The following RBFOX1 variants were observed in gnomAD, a reference collection of about 807,000 sequenced individuals.
RBFOX1 encodes RNA binding fox-1 homolog 1.
A neutral mutation model predicts 57.7 loss-of-function variants in RBFOX1; 8 were observed. The observed-to-expected ratio is 0.14, with a 90% confidence interval of 0.08 to 0.25. RBFOX1 has a LOEUF of 0.25. Among genes scored for constraint, RBFOX1 ranks in the 10% least tolerant of loss-of-function variants. The probability of loss-of-function intolerance (pLI) is 1.00; values close to 1 mark genes in which losing one functional copy is unlikely to be tolerated. For missense variants in RBFOX1, 611 were observed against 548.5 expected (o/e 1.11, Z -1.14); for synonymous variants, 326 against 222.4 (o/e 1.47, Z -4.15).
chr16:6,798,051 C>G (rs1310924791), intron 3 of RBFOX1, among the ~76,000 whole-genome samples: 1 of 151,990 alleles, frequency 6.6e-6, no homozygotes, highest in Non-Finnish European at 1.5e-5. Context: ...AGTGATAAAA[C>G]CCAACACATA....
intron 11 of RBFOX1, among the ~76,000 whole-genome samples, chr16:7,641,154 A>G (rs1158340650): frequency 6.6e-6 from 1 of 152,160 alleles, no homozygotes; most frequent in Non-Finnish European, 1.5e-5. Flanking sequence ...CAAGAGCTGG[A>G]GCAATCATTC....
intron 4 of RBFOX1, among the ~76,000 whole-genome samples, chr16:7,064,319 C>T (rs538628284): frequency 8.0e-4 from 122 of 152,094 alleles, no homozygotes; most frequent in African/African-American, 2.9e-3. Context: ...CAGGCACCCG[C>T]CACCATACCC....
chr16:5,272,233 A>G (rs1329875201), intron 1 of RBFOX1, among the ~76,000 whole-genome samples: 1 of 152,238 alleles, frequency 6.6e-6, no homozygotes, highest in Admixed American at 6.5e-5. Context: ...GTCTCATCCT[A>G]AAAATTTTCA....
rs116045586 is a variant in RBFOX1, at chr16:6,605,716, C to T, written c.-63-48887C>T. ...GGGCAGGGCCTAGATGCTGTGTCAG[C>T]GAACAGGAGAGATTCAGTCCGTGTG... On this transcript the variant is annotated intron_variant, in intron 2 of 15. Transcript: ENST00000550418. Among the ~76,000 whole-genome samples, 399 of 152,290 alleles carry T rather than the reference C, an allele frequency of 2.6e-3. 2 individuals carry two copies. The highest frequency in any genetic ancestry group is 9.1e-3 in the African/African-American group (377 of 41,558).
chr16:6,078,696 C>G (rs981541233), intron 1 of RBFOX1, among the ~76,000 whole-genome samples: 1 of 152,178 alleles, frequency 6.6e-6, no homozygotes, highest in Admixed American at 6.5e-5. Flanking sequence ...GCAGCAACAC[C>G]CTGCACGTAG....
At chr16:5,899,509 A>C (rs1035765795) in intron 4 of RBFOX1, among the ~76,000 whole-genome samples, 2 of 152,202 alleles carry the variant, frequency 1.3e-5, no homozygotes, top group Non-Finnish European at 2.9e-5. Flanking sequence ...TTGACTAGCT[A>C]GGAAGAGTGG....
At chr16:5,611,118 T>A (rs1367391940) in intron 3 of RBFOX1, 1 of 152,210 alleles carries the variant, frequency 6.6e-6, no homozygotes, top group African/African-American at 2.4e-5. Context: ...CTGACCCACA[T>A]GTGCTCTGTT....
chr16:7,236,472 T>C lies in RBFOX1; in HGVS notation c.27+184374T>C, dbSNP rs1053549497. 5.3e-5 allele frequency among the ~76,000 whole-genome samples: 8 copies of C among 152,140 alleles called. No individual in the cohort carries two copies. The South Asian group carries it at 1.2e-3, about 24-fold the overall frequency. On this transcript the variant is annotated intron_variant, in intron 4 of 15. Transcript: ENST00000550418. ...GTCATGCAATCTGGCAGAATCTCTT[T>C]CTGCTCCATGGTTCCTAAATGCATC...
chr16:5,465,077 G>A (rs2068911229), intron 1 of RBFOX1, among the ~76,000 whole-genome samples: 1 of 152,202 alleles, frequency 6.6e-6, no homozygotes, highest in African/African-American at 2.4e-5. Context: ...GGGTGTGTGT[G>A]TGTTTGCTCA....
chr16:5,660,606 C>A (rs2049614022), intron 3 of RBFOX1, among the ~76,000 whole-genome samples: 1 of 152,106 alleles, frequency 6.6e-6, no homozygotes, highest in Non-Finnish European at 1.5e-5. Flanking sequence ...GCCGTTTGCT[C>A]TGTTTAGATA....
intron 4 of RBFOX1, among the ~76,000 whole-genome samples, chr16:6,003,945 G>T (rs915629541): frequency 1.3e-5 from 2 of 152,326 alleles, no homozygotes; most frequent in African/African-American, 4.8e-5. Flanking sequence ...ACTTTGAAAT[G>T]CTAATTTTAG....
intron 3 of RBFOX1, among the ~76,000 whole-genome samples, chr16:5,797,786 G>C (rs2054927420): frequency 6.6e-6 from 1 of 152,176 alleles, no homozygotes; most frequent in South Asian, 2.1e-4. Context: ...CCACACAGCA[G>C]ATAGTGATTA....
intron 1 of RBFOX1, among the ~76,000 whole-genome samples, chr16:5,364,544 A>G (rs1383396340): frequency 2.6e-5 from 4 of 152,220 alleles, no homozygotes; most frequent in Non-Finnish European, 5.9e-5. Context: ...ATGTTTGTAG[A>G]AAAGATTTTT....
chr16:6,572,974 T>C (rs1458800825), intron 2 of RBFOX1, among the ~76,000 whole-genome samples: 1 of 152,116 alleles, frequency 6.6e-6, no homozygotes, highest in African/African-American at 2.4e-5. Context: ...ATACCTTCCC[T>C]CGGGGACCTT....
chr16:6,180,910 A>C (rs538344227), intron 1 of RBFOX1, among the ~76,000 whole-genome samples: 1 of 152,034 alleles, frequency 6.6e-6, no homozygotes, highest in Non-Finnish European at 1.5e-5. Context: ...TATATTATCT[A>C]TATAGCTTAA....
At chr16:7,258,523 T>C (rs1036818523) in intron 4 of RBFOX1, among the ~76,000 whole-genome samples, 2 of 152,192 alleles carry the variant, frequency 1.3e-5, no homozygotes, top group African/African-American at 4.8e-5. Flanking sequence ...TTATGAAATA[T>C]TGTTGTACAT....
At chr16:7,080,047 T>TATATATACATATTATATATATAC (rs1567182529) in intron 4 of RBFOX1, among the ~76,000 whole-genome samples, 2 of 141,786 alleles carry the variant, frequency 1.4e-5, no homozygotes, top group African/African-American at 5.3e-5. Flanking sequence ...TAGATGTATA[T>TATATATACATATTATATATATAC]ATATATACAT....
At chr16:5,898,320 A>G (rs1403802989) in intron 4 of RBFOX1, among the ~76,000 whole-genome samples, 3 of 152,126 alleles carry the variant, frequency 2.0e-5, no homozygotes, top group African/African-American at 7.2e-5. Flanking sequence ...GGACATGGCC[A>G]AACCATGTCA....
At chr16:5,331,839 C>G (rs1276535831) in intron 1 of RBFOX1, among the ~76,000 whole-genome samples, 1 of 152,230 alleles carries the variant, frequency 6.6e-6, no homozygotes, top group East Asian at 1.9e-4. Context: ...GGCTGGTGAC[C>G]ATGCCCACCC....
Sources: gnomAD v4.1 joint callset for allele counts (sites outside exome capture counted in the v4.1 genomes callset) on GRCh38, gnomAD v4.1.1 for gene constraint, MANE v1.5 for transcripts, NCBI Gene and HGNC (gene_info 2026-07-23, HGNC 2026-07-21) for gene names.